PCLO: variants seen among roughly 807,000 people sequenced by gnomAD.
The protein encoded by PCLO is protein piccolo.
A neutral mutation model predicts 427.5 loss-of-function variants in PCLO; 82 were observed. That is an observed-to-expected ratio of 0.19 (90% CI 0.16 to 0.23). The LOEUF (loss-of-function observed/expected upper bound fraction) is 0.23. Among genes scored for constraint, PCLO ranks in the 10% least tolerant of loss-of-function variants. The probability of loss-of-function intolerance (pLI) is 1.00; values close to 1 mark genes in which losing one functional copy is unlikely to be tolerated. For missense variants in PCLO, 6,239 were observed against 6,115.9 expected, an observed-to-expected ratio of 1.02 and a Z score of -0.67; for synonymous variants, 2,357 against 2,155.4, an observed-to-expected ratio of 1.09 and a Z score of -2.59.
At chr7:82,918,539 C>T (rs1488184570) in intron 6 of PCLO, among the ~76,000 whole-genome samples, 1 of 151,930 alleles carries the variant, frequency 6.6e-6, no homozygotes, top group Non-Finnish European at 1.5e-5. Flanking sequence ...TAAGATCCTA[C>T]AATAATTTTC....
chr7:82,763,860 G>T (rs931896576), intron 22 of PCLO, among the ~76,000 whole-genome samples: 2 of 151,970 alleles, frequency 1.3e-5, no homozygotes, highest in Non-Finnish European at 1.5e-5. Flanking sequence ...ATAAATAAAA[G>T]ATTTTATATC....
At chr7:83,047,857 A>G (rs954258888) in intron 3 of PCLO, among the ~76,000 whole-genome samples, 2 of 151,988 alleles carry the variant, frequency 1.3e-5, no homozygotes, top group Non-Finnish European at 2.9e-5. Flanking sequence ...TATGGTTTTA[A>G]CCAATAATTT....
chr7:83,057,336 A>ATATATATATG (rs1438615093), intron 3 of PCLO, among the ~76,000 whole-genome samples: 7 of 17,324 alleles, frequency 4.0e-4, no homozygotes, highest in Admixed American at 3.8e-3. Flanking sequence ...ATATATATAT[A>ATATATATATG]TATATATATA....
At position 82,756,727 on chromosome 7, in the gene PCLO, G is replaced by A. The variant is rs1241426367; in HGVS notation, c.*1848C>T. The stretch of plus-strand genomic sequence containing the variant: ...AATAAAGCAGCAGGTTTTAAGCTCA[G>A]AATGCTCTGAGAAGCAATTTGATTT... On this transcript the variant is annotated 3_prime_UTR_variant, in exon 25 of 25. Coordinates refer to ENST00000333891, the MANE Select transcript of PCLO (RefSeq NM_033026.6). 1 of 151,968 alleles carries A rather than the reference G, an allele frequency of 6.6e-6. No individual in the cohort carries two copies. 9.4% of individuals were successfully genotyped at this position (151,968 alleles called of 1,614,324 possible).
chr7:83,111,819 T>C (rs775822205), intron 3 of PCLO, among the ~76,000 whole-genome samples: 3 of 152,208 alleles, frequency 2.0e-5, no homozygotes, highest in Non-Finnish European at 2.9e-5. Context: ...CAGAAAAAAT[T>C]TACTTTGTAA....
At chr7:82,829,453 C>T (rs1027928475) in intron 16 of PCLO, among the ~76,000 whole-genome samples, 3 of 152,120 alleles carry the variant, frequency 2.0e-5, no homozygotes, top group African/African-American at 4.8e-5. Flanking sequence ...TTTCATAACA[C>T]TTCACAAGTC....
intron 22 of PCLO, among the ~76,000 whole-genome samples, chr7:82,794,226 G>A (rs1011430941): frequency 1.3e-5 from 2 of 151,630 alleles, no homozygotes; most frequent in Non-Finnish European, 2.9e-5. Context: ...TTTATTTCTT[G>A]TCTTTCTAAT....
At chr7:83,102,912 T>C (rs986090972) in intron 3 of PCLO, among the ~76,000 whole-genome samples, 9 of 151,872 alleles carry the variant, frequency 5.9e-5, no homozygotes, top group Admixed American at 1.3e-4. Flanking sequence ...ATGGGTGGTA[T>C]TTATTGCAGA....
chr7:82,848,424 C>T (rs1052268076), intron 10 of PCLO, among the ~76,000 whole-genome samples: 1 of 150,938 alleles, frequency 6.6e-6, no homozygotes, highest in African/African-American at 2.4e-5. Context: ...AATTCTCCTG[C>T]CTCAGCCTCC....
chr7:82,881,034 A>G (rs1562834362), intron 9 of PCLO, among the ~76,000 whole-genome samples: 1 of 152,176 alleles, frequency 6.6e-6, no homozygotes, highest in Non-Finnish European at 1.5e-5. Context: ...AGAACTGAGA[A>G]TCCACAAATA....
At chr7:82,771,256 A>G (rs1187238135) in intron 22 of PCLO, among the ~76,000 whole-genome samples, 1 of 151,936 alleles carries the variant, frequency 6.6e-6, no homozygotes, top group Non-Finnish European at 1.5e-5. Context: ...ACAAATGACT[A>G]TAAATGTTTG....
intron 3 of PCLO, among the ~76,000 whole-genome samples, chr7:83,023,882 T>G (rs374809109): frequency 6.6e-6 from 1 of 152,224 alleles, no homozygotes; most frequent in Non-Finnish European, 1.5e-5. Flanking sequence ...TCAATAAGTC[T>G]TGAAATTCCA....
intron 10 of PCLO, among the ~76,000 whole-genome samples, chr7:82,863,146 A>T (rs527864469): frequency 4.6e-5 from 7 of 152,022 alleles, no homozygotes; most frequent in Admixed American, 6.6e-5. Flanking sequence ...TATCCAAAAA[A>T]TTAAAAATTA....
Position 82,954,020 on chromosome 7 carries a change from TCCATTC to T in PCLO, c.6927_6932del (p.Asn2310_Gly2311del). 6.2e-7 allele frequency: 1 copy of T among 1,613,906 alleles called. No homozygotes were observed. The highest frequency in any genetic ancestry group is 8.5e-7 in the Non-Finnish European group (1 of 1,179,856). ...AAGCTTCCAAAACTTCCAGAATGAT[TCCATTC>T]CCAGTTTCCTTCTTGGCTTTCTTCA... On this transcript the variant is annotated inframe_deletion, in exon 5 of 25. Coordinates refer to ENST00000333891, the MANE Select transcript of PCLO (RefSeq NM_033026.6).
chr7:82,933,957 G>T (rs928547537), intron 6 of PCLO, among the ~76,000 whole-genome samples: 6 of 151,824 alleles, frequency 4.0e-5, no homozygotes, highest in African/African-American at 9.7e-5. Flanking sequence ...GTTGGGTTTG[G>T]TCTAGTGCCT....
rs186211512 is a variant in PCLO, at chr7:83,068,837, A to G, written c.3300+65413T>C. Among the ~76,000 whole-genome samples, 24 of 152,328 alleles carry G rather than the reference A, an allele frequency of 1.6e-4. 1 individual carries two copies. The highest frequency in any genetic ancestry group is 5.8e-4 in the African/African-American group (24 of 41,594). Reference sequence around the variant, plus strand: ...ATCTCTATACTCCCATGTTCATTGCAGCATTATTCACAATAGCCAAGACAT... The same window carrying G: ...ATCTCTATACTCCCATGTTCATTGCGGCATTATTCACAATAGCCAAGACAT... On this transcript the variant is annotated intron_variant, in intron 3 of 24. Transcript: ENST00000333891.
rs553296713 is a variant in PCLO, at chr7:83,077,499, A to T, written c.3300+56751T>A. ...AAGTGGTTTCATCATCAAAAAAATA[A>T]GTGTGGAAGCCAGAACCAGCTTCTG... On this transcript the variant is annotated intron_variant, in intron 3 of 24. Coordinates refer to ENST00000333891, the MANE Select transcript of PCLO (RefSeq NM_033026.6). Among the ~76,000 whole-genome samples, 2 of 152,230 alleles carry T rather than the reference A, an allele frequency of 1.3e-5. 1 individual carries two copies. Among genetic ancestry groups the T allele is most frequent in the South Asian group, 4.1e-4 (2 of 4,826 alleles).
intron 1 of PCLO, among the ~76,000 whole-genome samples, chr7:83,157,078 C>T (rs1346858298): frequency 2.6e-5 from 4 of 152,088 alleles, no homozygotes; most frequent in African/African-American, 9.7e-5. Context: ...GGTCACTAGC[C>T]AGGAGAGACT....
At chr7:82,865,539 T>TGTACATTTAGTA (rs1793071761) in intron 10 of PCLO, among the ~76,000 whole-genome samples, 2 of 152,006 alleles carry the variant, frequency 1.3e-5, no homozygotes, top group African/African-American at 2.4e-5. Flanking sequence ...TACATTTATA[T>TGTACATTTAGTA]GGTATATTTC....
Sources: gnomAD v4.1 joint callset for allele counts (sites outside exome capture counted in the v4.1 genomes callset) on GRCh38, gnomAD v4.1.1 for gene constraint, MANE v1.5 for transcripts, NCBI Gene and HGNC (gene_info 2026-07-23, HGNC 2026-07-21) for gene names.